The following ACTR3C variants were observed in gnomAD, a reference collection of about 807,000 sequenced individuals.
ACTR3C encodes actin related protein 3C.
Under a neutral mutation model 26.3 loss-of-function variants are expected in ACTR3C, and 18 were observed. The observed-to-expected ratio is 0.68, with a 90% CI of 0.47 to 1.01. The LOEUF (loss-of-function observed/expected upper bound fraction) is 1.01, where lower values mean the gene tolerates loss of function less well. ACTR3C is among the 50% of genes least tolerant of loss of function. The probability of loss-of-function intolerance (pLI) is 0.00; values close to 1 mark genes in which losing one functional copy is unlikely to be tolerated. For missense variants in ACTR3C, 184 were observed against 250.7 expected (o/e 0.73, Z 1.80); for synonymous variants, 55 against 94.5 (o/e 0.58, Z 2.42).
the ACTR3C span, among the ~76,000 whole-genome samples, chr7:149,923,790 G>A: frequency 1.3e-5 from 2 of 151,968 alleles, no homozygotes; most frequent in South Asian, 2.1e-4. Flanking sequence ...CTGAGGTCAC[G>A]AGTTCGAGAC....
At chr7:150,241,950 G>A (rs1482504759), downstream of ACTR3C, among the ~76,000 whole-genome samples, 1 of 152,156 alleles carries the variant, frequency 6.6e-6, no homozygotes, top group African/African-American at 2.4e-5. Context: ...AGGCGCGGTG[G>A]CTCACACCTG....
chr7:150,157,208 T>G, the ACTR3C span, among the ~76,000 whole-genome samples: 2 of 151,672 alleles, frequency 1.3e-5, no homozygotes, highest in Non-Finnish European at 2.9e-5. Flanking sequence ...ACCTGAAGAC[T>G]CATCAGGATC....
the ACTR3C span, among the ~76,000 whole-genome samples, chr7:150,015,043 G>T: frequency 1.3e-5 from 2 of 152,166 alleles, no homozygotes; most frequent in African/African-American, 2.4e-5. Context: ...GAAGATGAAT[G>T]TAGAAGAGAT....
At chr7:150,035,566 G>GAAA in the ACTR3C span, among the ~76,000 whole-genome samples, 32 of 41,276 alleles carry the variant, frequency 7.8e-4, no homozygotes, top group African/African-American at 1.6e-3. Context: ...CCGCAGAGCC[G>GAAA]GGGGGGAAGA....
At chr7:150,042,287 G>A in the ACTR3C span, among the ~76,000 whole-genome samples, 6 of 64,460 alleles carry the variant, frequency 9.3e-5, no homozygotes, top group Non-Finnish European at 1.6e-4. Context: ...CCTGCGATGG[G>A]GGTCCCCAGA....
At chr7:150,020,743 T>C in the ACTR3C span, among the ~76,000 whole-genome samples, 2 of 152,120 alleles carry the variant, frequency 1.3e-5, no homozygotes, top group Non-Finnish European at 2.9e-5. Flanking sequence ...GGCTTTATTC[T>C]AAGGTTCTTC....
the ACTR3C span, among the ~76,000 whole-genome samples, chr7:150,189,554 GCCCCTCCCAC>G: frequency 7.4e-6 from 1 of 134,372 alleles, no homozygotes; most frequent in African/African-American, 2.8e-5. Context: ...TTTGCAATCA[GCCCCTCCCAC>G]CTAATTCTAA....
At chr7:149,904,537 C>A in the ACTR3C span, among the ~76,000 whole-genome samples, 75,677 of 93,462 alleles carry the variant, frequency 0.81, 30,303 homozygotes, top group South Asian at 0.88. Context: ...TCTCAAAAAA[C>A]AACAACAACA....
chr7:150,080,561 G>T, the ACTR3C span, among the ~76,000 whole-genome samples: 1 of 150,950 alleles, frequency 6.6e-6, no homozygotes, highest in Non-Finnish European at 1.5e-5. Flanking sequence ...GTGTGTGTGT[G>T]TGTGTGAAAT....
chr7:150,282,331 C>A (rs1314302131), intron 6 of ACTR3C, among the ~76,000 whole-genome samples: 1 of 152,122 alleles, frequency 6.6e-6, no homozygotes, highest in Non-Finnish European at 1.5e-5. Context: ...AAGAAATAAA[C>A]CTTTGCTGCT....
chr7:150,003,810 TTGTG>T, the ACTR3C span, among the ~76,000 whole-genome samples: 2 of 152,062 alleles, frequency 1.3e-5, no homozygotes, highest in Non-Finnish European at 2.9e-5. Flanking sequence ...GTGTTTGTGT[TTGTG>T]TGTGTGGTTT....
chr7:149,902,948 AAAAAG>A, the ACTR3C span, among the ~76,000 whole-genome samples: 30 of 28,020 alleles, frequency 1.1e-3, 6 homozygotes, highest in African/African-American at 1.5e-3. Flanking sequence ...AAAAAAAAAA[AAAAAG>A]AAAGAAAGAG....
chr7:149,983,234 C>T, the ACTR3C span, among the ~76,000 whole-genome samples: 1 of 151,636 alleles, frequency 6.6e-6, no homozygotes, highest in African/African-American at 2.4e-5. Flanking sequence ...GATATGACAC[C>T]AAAAGCACAA....
At chr7:150,158,857 G>A in the ACTR3C span, among the ~76,000 whole-genome samples, 2 of 137,706 alleles carry the variant, frequency 1.5e-5, no homozygotes, top group African/African-American at 2.7e-5. Flanking sequence ...CACACACACA[G>A]GCATGCCCAC....
the ACTR3C span, among the ~76,000 whole-genome samples, chr7:150,110,782 G>C: frequency 7.2e-6 from 1 of 138,364 alleles, no homozygotes; most frequent in Non-Finnish European, 1.6e-5. Context: ...GGCTCTGGCT[G>C]GCAGAGGCAA....
the ACTR3C span, among the ~76,000 whole-genome samples, chr7:150,229,972 C>T: frequency 1.3e-5 from 2 of 151,284 alleles, no homozygotes; most frequent in South Asian, 4.2e-4. Context: ...TGCCTATAAT[C>T]CCAGCACTTT....
chr7:150,322,630 C>T (rs2129617865), intron 1 of ACTR3C: 1 of 152,252 alleles, frequency 6.6e-6, no homozygotes, highest in East Asian at 1.9e-4. Flanking sequence ...CCTTGTTTAG[C>T]ATATAATCAA....
intron 6 of ACTR3C, among the ~76,000 whole-genome samples, chr7:150,277,168 A>C (rs1467237537): frequency 6.6e-6 from 1 of 152,176 alleles, no homozygotes; most frequent in Non-Finnish European, 1.5e-5. Context: ...AAAGCAAGCC[A>C]ATTCCTTACA....
chr7:150,099,280 G>A, the ACTR3C span, among the ~76,000 whole-genome samples: 21,337 of 148,960 alleles, frequency 0.14, 1,345 homozygotes, highest in African/African-American at 0.2. Context: ...TCAATAGTTG[G>A]ACATCACCAA....
Sources: allele counts gnomAD v4.1 joint callset (sites outside exome capture counted in the v4.1 genomes callset), GRCh38; gene constraint gnomAD v4.1.1; transcripts MANE v1.5; gene names NCBI Gene and HGNC (gene_info 2026-07-23, HGNC 2026-07-21).